POLE: variants seen among roughly 807,000 people sequenced by gnomAD.
POLE encodes DNA polymerase epsilon, catalytic subunit, also known as DNA polymerase epsilon catalytic subunit A.
Under a neutral mutation model 279.2 loss-of-function variants are expected in POLE, and 188 were observed. The ratio of observed to expected loss-of-function variants is 0.67; its 90% CI spans 0.60 to 0.76. The LOEUF is 0.76. POLE is among the 30% of genes least tolerant of loss of function. POLE has a pLI of 0.00. For missense variants in POLE, 2,703 were observed against 3,016.7 expected (o/e 0.90, Z 2.44); for synonymous variants, 1,214 against 1,172.5 (o/e 1.04, Z -0.72).
Position 132,626,182 on chromosome 12 carries a change from C to T in POLE, c.6466G>A (p.Val2156Ile), listed in dbSNP as rs542978638. The part of the protein sequence containing the change: ...DPCRSYVLPE[V>I]ICRSCNFCRD... ...CAGAAGTTACAGCTGCGGCAGATGACCTCAGGAAGCACGTAGGAGCGGCAG... is the reference window on the plus strand; with the variant it reads ...CAGAAGTTACAGCTGCGGCAGATGATCTCAGGAAGCACGTAGGAGCGGCAG... Residue 2156 changes from valine (V) to isoleucine (I), a missense_variant, in exon 46 of 49, where the codon GTC becomes ATC. By Grantham distance (29) the Val-to-Ile change is conservative (BLOSUM62 3). Coordinates refer to ENST00000320574, the MANE Select transcript of POLE (RefSeq NM_006231.4). 2 of 1,613,292 alleles carry T rather than the reference C, an allele frequency of 1.2e-6. No homozygotes were observed. Among genetic ancestry groups the T allele is most frequent in the East Asian group, 4.5e-5 (2 of 44,866 alleles).
Position 132,661,156 on chromosome 12 carries a change from A to G in POLE, c.2873T>C (p.Val958Ala), listed in dbSNP as rs1383071724. 1 of 1,584,998 alleles carries G rather than the reference A, an allele frequency of 6.3e-7. No homozygotes were observed. The highest frequency in any genetic ancestry group is 8.5e-7 in the Non-Finnish European group (1 of 1,170,072). The stretch of plus-strand genomic sequence containing the variant: ...AGCCAGAGAACCGTCTTCATTGAAC[A>G]CAGCATACCTGAAAAAAAAAAAAAA... ...EGKKLKKRYA[V>A]FNEDGSLAEL... The change falls in exon 25 of 49, where the codon GTG becomes GCG. Residue 958 changes from valine to alanine, a missense_variant. Coordinates refer to ENST00000320574, the MANE Select transcript of POLE (RefSeq NM_006231.4). This position sits in a 1 kb window ranked among gnomAD's most constrained non-coding sequence, Gnocchi z 4.1.
In POLE at chr12:132,634,422, C is replaced by G; in HGVS notation, c.5812-44G>C. The G allele has an allele frequency of 6.3e-7, 1 of 1,574,846 alleles. No individual in the cohort carries two copies. Among genetic ancestry groups the G allele is most frequent in the African/African-American group, 1.3e-5 (1 of 74,364 alleles). On this transcript the variant is annotated intron_variant, in intron 42 of 48. Coordinates refer to ENST00000320574, the MANE Select transcript of POLE (RefSeq NM_006231.4). The surrounding 1 kb of genome is among the most constrained non-coding windows in gnomAD (Gnocchi z 4.0). ...CGCGGCTGTGTTTGCACCATCGCGG[C>G]CTGGTAGAGGGGTAGGATGCCACAG...
chr12:132,646,655 A>C (rs984064769), intron 32 of POLE, among the ~76,000 whole-genome samples: 44 of 152,004 alleles, frequency 2.9e-4, no homozygotes, highest in African/African-American at 1.0e-3. Flanking sequence ...AACACAGAGA[A>C]ACCCCATCTC....
chr12:132,675,884 T>C lies in POLE; in HGVS notation c.1021-64A>G, dbSNP rs2043039505. 1 of 1,362,700 alleles carries C rather than the reference T, an allele frequency of 7.3e-7. No homozygotes were observed. Among genetic ancestry groups the C allele is most frequent in the Admixed American group, 1.7e-5 (1 of 59,178 alleles). 84.4% of individuals were successfully genotyped at this position (1,362,700 alleles called of 1,614,324 possible). A position where few individuals can be genotyped will look rare whatever the true frequency, so the allele number is the denominator to read the frequency against. On this transcript the variant is annotated intron_variant, in intron 10 of 48. Coordinates refer to ENST00000320574, the MANE Select transcript of POLE (RefSeq NM_006231.4). The surrounding 1 kb of genome is among the most constrained non-coding windows in gnomAD (Gnocchi z 4.3). ...TCTTCTTCAAGCTATTCCAAATTCC[T>C]CTCCCAAAGTTCAGAAGCAGCAGCC...
At chr12:132,653,210 C>T (rs2042461393) in intron 29 of POLE, among the ~76,000 whole-genome samples, 1 of 152,128 alleles carries the variant, frequency 6.6e-6, no homozygotes, top group South Asian at 2.1e-4. Context: ...TGAGACCCAG[C>T]CTCTACAAAA....
At chr12:132,665,234 T>A in intron 21 of POLE, 68 bp downstream of exon 21, 3 of 1,487,216 alleles carry the variant, frequency 2.0e-6, no homozygotes, top group Non-Finnish European at 1.9e-6. Context: ...AGCCTACACC[T>A]GAAGCTGCCC....
intron 26 of POLE, 78 bp downstream of exon 26, chr12:132,659,217 C>A: frequency 3.5e-6 from 5 of 1,447,050 alleles, no homozygotes; most frequent in Non-Finnish European, 3.8e-6. Context: ...GAGCCCTCAC[C>A]TCTCCGTGAC....
chr12:132,680,788 C>CCT (rs1215972137), intron 2 of POLE, 101 bp from the exon 3 acceptor site: 1 of 905,906 alleles, frequency 1.1e-6, no homozygotes, highest in Non-Finnish European at 1.8e-6. Context: ...AGAAACAAAC[C>CCT]CTCTCATCTA....
Position 132,673,226 on chromosome 12 carries a change from T to G in POLE, c.1411A>C (p.Met471Leu). Residue 471 changes from methionine (M) to leucine (L), a missense_variant, in exon 14 of 49, where the codon ATG becomes CTG. By Grantham distance (15) the Met-to-Leu change is conservative. Transcript: ENST00000320574. ...AAGATGAATGGGTGGACGTACTTCATGTACAGGTAGTAAGTGGCGACAGCA... is the reference window on the plus strand; with the variant it reads ...AAGATGAATGGGTGGACGTACTTCAGGTACAGGTAGTAAGTGGCGACAGCA... ...SDAVATYYLY[M>L]KYVHPFIFAL... The G allele has an allele frequency of 6.2e-7, 1 of 1,613,940 alleles. No individual in the cohort carries two copies. The highest frequency in any genetic ancestry group is 8.5e-7 in the Non-Finnish European group (1 of 1,179,772).
chr12:132,669,077 A>G (rs1565966985), intron 16 of POLE, 138 bp from the exon 17 acceptor site: 1 of 732,256 alleles, frequency 1.4e-6, no homozygotes, highest in Non-Finnish European at 2.1e-6. Context: ...AGAAGAAAAA[A>G]GTTAAGAAGG....
At chr12:132,659,099 G>C (rs1405089790) in intron 26 of POLE, among the ~76,000 whole-genome samples, 196 bp downstream of exon 26, 2 of 152,110 alleles carry the variant, frequency 1.3e-5, no homozygotes, top group Non-Finnish European at 2.9e-5. Context: ...ATTTCTGGTT[G>C]ATGGACACTT....
rs2043069636 is a variant in POLE at position 132,677,050 on chromosome 12, G to T, written c.801+313C>A. Among the ~76,000 whole-genome samples the T allele has an allele frequency of 2.0e-5, 3 of 152,136 alleles. No individual in the cohort carries two copies. The South Asian group carries it at 6.2e-4, about 32-fold the overall frequency. ...ACCACAAAGTCATGTTTGAACCAAG[G>T]CCTTCTAGTTACAAATCCATTTTTC... On this transcript the variant is annotated intron_variant, in intron 8 of 48. Coordinates refer to ENST00000320574, the MANE Select transcript of POLE (RefSeq NM_006231.4).
rs1180548484 is a variant in POLE, at chr12:132,634,672, G to GA, written c.5812-295dup. Among the ~76,000 whole-genome samples the GA allele has an allele frequency of 1.3e-5, 2 of 152,108 alleles. No individual in the cohort carries two copies. The highest frequency in any genetic ancestry group is 2.9e-5 in the Non-Finnish European group (2 of 68,000). ...TGTTGAACTCCCACCCCCCAAGGAC[G>GA]AAAGAACCAGCCAGAGCTTCCCGGT... On this transcript the variant is annotated intron_variant, in intron 42 of 48. Coordinates refer to ENST00000320574, the MANE Select transcript of POLE (RefSeq NM_006231.4). The surrounding 1 kb of genome is among the most constrained non-coding windows in gnomAD (Gnocchi z 4.0).
chr12:132,663,010 C>T (rs968099601), intron 23 of POLE, among the ~76,000 whole-genome samples: 2 of 152,210 alleles, frequency 1.3e-5, no homozygotes, highest in East Asian at 1.9e-4. Context: ...AGAAAAACCA[C>T]GACAGGAAAC....
Position 132,625,009 on chromosome 12 carries a change from C to T in POLE, c.6658-15G>A, listed in dbSNP as rs746296199. On this transcript the variant is annotated splice_polypyrimidine_tract_variant and intron_variant, in intron 47 of 48. Coordinates refer to ENST00000320574, the MANE Select transcript of POLE (RefSeq NM_006231.4). ...TTCAGGCAGACCTGAAAGGGAGCAG[C>T]CCCGATGGGCGCCAGCCCTCCCGCG... 4 of 1,607,132 alleles carry T rather than the reference C, an allele frequency of 2.5e-6. No individual in the cohort carries two copies. The highest frequency in any genetic ancestry group is 3.4e-6 in the Non-Finnish European group (4 of 1,174,424).
intron 15 of POLE, 75 bp from the exon 16 acceptor site, chr12:132,672,397 G>C: frequency 7.9e-7 from 1 of 1,273,670 alleles, no homozygotes; most frequent in Non-Finnish European, 1.1e-6. Flanking sequence ...TGACGCTGTG[G>C]CTGCACGTGG....
chr12:132,657,112 C>T (rs373400402), intron 29 of POLE, 24 bp downstream of exon 29: 7 of 1,613,088 alleles, frequency 4.3e-6, no homozygotes, highest in Non-Finnish European at 4.2e-6. Flanking sequence ...CCCGCCCAGC[C>T]CAGCCTTGGG....
chr12:132,680,841 A>T (rs890491096), intron 2 of POLE, among the ~76,000 whole-genome samples, 154 bp from the exon 3 acceptor site: 1 of 152,140 alleles, frequency 6.6e-6, no homozygotes, highest in African/African-American at 2.4e-5. Context: ...AGCCTTATTC[A>T]CAAGAACCAC....
In POLE at chr12:132,672,848, G is replaced by A. The variant is rs1375990482; in HGVS notation, c.1474-9C>T. 6.2e-7 allele frequency: 1 copy of A among 1,611,808 alleles called. No homozygotes were observed. The highest frequency in any genetic ancestry group is 2.2e-5 in the East Asian group (1 of 44,800). ...GAGCCCTTCCGCAGCACCTGCAAGA[G>A]AAACCAAGGCTTCCAGCCAAAAGCA... On this transcript the variant is annotated splice_polypyrimidine_tract_variant and intron_variant, in intron 14 of 48. Coordinates refer to ENST00000320574, the MANE Select transcript of POLE (RefSeq NM_006231.4).
Sources: allele counts gnomAD v4.1 joint callset (sites outside exome capture counted in the v4.1 genomes callset), GRCh38; gene constraint gnomAD v4.1.1; non-coding constraint Gnocchi (gnomAD v3.1); transcripts MANE v1.5; gene names NCBI Gene and HGNC (gene_info 2026-07-23, HGNC 2026-07-21).